SNED1: variants seen among roughly 807,000 people sequenced by gnomAD.
SNED1 encodes sushi, nidogen and EGF like domains 1, also known as sushi, nidogen and EGF-like domain-containing protein 1.
Under a neutral mutation model 166.7 loss-of-function variants are expected in SNED1, and 81 were observed. The ratio of observed to expected loss-of-function variants is 0.49; its 90% CI spans 0.41 to 0.58. The LOEUF (loss-of-function observed/expected upper bound fraction) is 0.58. Among genes scored for constraint, SNED1 ranks in the 20% least tolerant of loss-of-function variants. The probability of loss-of-function intolerance (pLI) is 0.00; values close to 1 mark genes in which losing one functional copy is unlikely to be tolerated. For synonymous variants in SNED1, 762 were observed against 822.0 expected (o/e 0.93, Z 1.25); for missense variants, 1,604 against 2,000.2 (o/e 0.80, Z 3.78).
chr2:241,034,746 A>T lies in SNED1; in HGVS notation c.805+16A>T. The T allele has an allele frequency of 6.5e-7, 1 of 1,533,520 alleles. No individual in the cohort carries two copies. Among genetic ancestry groups the T allele is most frequent in the Middle Eastern group, 1.7e-4 (1 of 5,846 alleles). The allele number at this position is 1,533,520 out of a possible 1,614,324, so 95.0% of individuals were successfully genotyped here. Reference sequence around the variant, plus strand: ...GGCCATACAAGTAAGAGGACAGAGGAGCAGCTTGGGGTGGGAGCGGGCTGA... The same window carrying T: ...GGCCATACAAGTAAGAGGACAGAGGTGCAGCTTGGGGTGGGAGCGGGCTGA... On this transcript the variant is annotated intron_variant, in intron 4 of 31. Transcript: ENST00000310397.
At chr2:241,021,931 T>C (rs1200294269) in intron 1 of SNED1, among the ~76,000 whole-genome samples, 1 of 151,304 alleles carries the variant, frequency 6.6e-6, no homozygotes, top group African/African-American at 2.4e-5. Context: ...CACGGGTTAT[T>C]ATCTACTTTT....
rs1185093356 is a variant in SNED1, at chr2:241,064,196, C to T, written c.2599+71C>T. 5.9e-5 allele frequency: 64 copies of T among 1,076,226 alleles called. No individual in the cohort carries two copies. Among genetic ancestry groups the T allele is most frequent in the Non-Finnish European group, 7.5e-5 (57 of 757,762 alleles). The allele number at this position is 1,076,226 out of a possible 1,614,324, so 66.7% of individuals were successfully genotyped here. The stretch of plus-strand genomic sequence containing the variant: ...CCCCGCCCTCTGCCCGCCTGCTGCC[C>T]GCCCTCTGCCCGCCTGCTCCCCGCC... On this transcript the variant is annotated intron_variant, in intron 19 of 31. Coordinates refer to ENST00000310397, the MANE Select transcript of SNED1 (RefSeq NM_001080437.3). This position sits in a 1 kb window ranked among gnomAD's most constrained non-coding sequence, Gnocchi z 7.0.
chr2:241,042,002 T>C (rs2061533907), intron 8 of SNED1, among the ~76,000 whole-genome samples: 1 of 152,132 alleles, frequency 6.6e-6, no homozygotes, highest in South Asian at 2.1e-4. Context: ...TCAAATGAGG[T>C]GAGCCCTACA....
intron 8 of SNED1, 32 bp from the exon 9 acceptor site, chr2:241,048,283 G>T: frequency 1.3e-6 from 2 of 1,566,510 alleles, no homozygotes; most frequent in South Asian, 2.4e-5. Flanking sequence ...CATTCCCTGC[G>T]TGGCCGCTGG....
Position 241,073,937 on chromosome 2 carries a change from C to T in SNED1, c.3916+573C>T, listed in dbSNP as rs959564876. 2 of 158,168 alleles carry T rather than the reference C, an allele frequency of 1.3e-5. No homozygotes were observed. The highest frequency in any genetic ancestry group is 4.8e-5 in the African/African-American group (2 of 41,656). The allele number at this position is 158,168 out of a possible 1,614,324, so 9.8% of individuals were successfully genotyped here. A position where few individuals can be genotyped will look rare whatever the true frequency, so the allele number is the denominator to read the frequency against. ...CACCTGCAGTAAGAGTTCCCAGACG[C>T]TCACGAGGCAGTTCCCCTTCGGGCA... On this transcript the variant is annotated intron_variant, in intron 27 of 31. Coordinates refer to ENST00000310397, the MANE Select transcript of SNED1 (RefSeq NM_001080437.3). The surrounding 1 kb of genome is among the most constrained non-coding windows in gnomAD (Gnocchi z 6.6).
chr2:241,035,992 C>T (rs1444282318), intron 4 of SNED1, among the ~76,000 whole-genome samples: 5 of 33,910 alleles, frequency 1.5e-4, no homozygotes, highest in East Asian at 1.6e-3. Flanking sequence ...GGGGCGGAGG[C>T]GCGTCACGGG....
Position 240,999,058 on chromosome 2 carries a change from A to AC in SNED1, c.213+13dup. The AC allele has an allele frequency of 3.1e-6, 4 of 1,280,560 alleles. No homozygotes were observed. The highest frequency in any genetic ancestry group is 2.2e-5 in the South Asian group (1 of 45,432). 79.3% of individuals were successfully genotyped at this position (1,280,560 alleles called of 1,614,324 possible). ...GAGCACTCCGGACTCTACGTGAGTAACCCCCGGGCTCGCGGGGCGCCCGGG... is the reference window on the plus strand; with the variant it reads ...GAGCACTCCGGACTCTACGTGAGTAACCCCCCGGGCTCGCGGGGCGCCCGGG... On this transcript the variant is annotated intron_variant, in intron 1 of 31. Coordinates refer to ENST00000310397, the MANE Select transcript of SNED1 (RefSeq NM_001080437.3). This position sits in a 1 kb window ranked among gnomAD's most constrained non-coding sequence, Gnocchi z 5.8.
intron 24 of SNED1, among the ~76,000 whole-genome samples, chr2:241,070,968 C>A (rs1440714534): frequency 6.6e-6 from 1 of 152,200 alleles, no homozygotes; most frequent in Non-Finnish European, 1.5e-5. Context: ...CATAAGCTTG[C>A]CGAGTTCTCA....
intron 16 of SNED1, among the ~76,000 whole-genome samples, chr2:241,058,116 A>G (rs1047578827): frequency 1.3e-5 from 2 of 152,234 alleles, no homozygotes; most frequent in African/African-American, 4.8e-5. Flanking sequence ...AAATAGGTGT[A>G]TACAAATCAA....
chr2:241,048,200 C>T (rs2061717014), intron 8 of SNED1, 115 bp from the exon 9 acceptor site: 1 of 1,261,796 alleles, frequency 7.9e-7, no homozygotes. Context: ...GGCTTAAATT[C>T]CACTTGGGAA....
In SNED1 at chr2:240,999,012, C is replaced by T; in HGVS notation, c.175C>T (p.Pro59Ser). ...CTCGGGGCTGCGGCCGCTCTCGGTG[C>T]CCTTCCCGTTCTTCGGTGCCGAGCA... ...GGSGLRPLSV[P>S]FPFFGAEHSG... The change falls in exon 1 of 32, where the codon CCC becomes TCC. Residue 59 changes from proline to serine, a missense_variant. Physicochemically the swap from Pro to Ser is moderately conservative, Grantham distance 74. Around this residue, in one of 2 missense-constraint regions of SNED1, gnomAD observed 1,237 missense variants for 1,620.8 expected, o/e 0.76. Coordinates refer to ENST00000310397, the MANE Select transcript of SNED1 (RefSeq NM_001080437.3). The surrounding 1 kb of genome is among the most constrained non-coding windows in gnomAD (Gnocchi z 5.8). The T allele has an allele frequency of 7.5e-7, 1 of 1,325,998 alleles. No homozygotes were observed. Among genetic ancestry groups the T allele is most frequent in the Non-Finnish European group, 9.7e-7 (1 of 1,035,112 alleles). 82.1% of individuals were successfully genotyped at this position (1,325,998 alleles called of 1,614,324 possible).
intron 1 of SNED1, among the ~76,000 whole-genome samples, chr2:241,005,555 T>C (rs1478349098): frequency 6.6e-6 from 1 of 152,104 alleles, no homozygotes. Context: ...CTTCCTCTAA[T>C]ATTTCTTATA....
At position 241,070,089 on chromosome 2, in the gene SNED1, C is replaced by T. The variant is rs2062632493; in HGVS notation, c.3477C>T (p.Tyr1159=). The T allele has an allele frequency of 6.2e-7, 1 of 1,612,970 alleles. No individual in the cohort carries two copies. Among genetic ancestry groups the T allele is most frequent in the African/African-American group, 1.3e-5 (1 of 74,960 alleles). The change falls in exon 24 of 32, where the codon TAC becomes TAT. Residue 1159 remains tyrosine (Y), a synonymous_variant. Transcript: ENST00000310397. The stretch of plus-strand genomic sequence containing the variant: ...TCCCCAACGGGAAGCTGGCGTCCTA[C>T]ACGGTGCGCGACCTGCTGCCGGGAC... ...RYVPNGKLAS[Y]TVRDLLPGRR...
chr2:241,036,806 C>T lies in SNED1; in HGVS notation c.822C>T (p.Ala274=). ...GCGHTTSVCL[A]LRPCLNGGKC... is the part of the protein sequence containing the mutation. ...TGTCTGCAGCGTCCGTGTGCCTGGC[C>T]CTGCGCCCCTGCCTCAACGGCGGCA... The change falls in exon 5 of 32, where the codon GCC becomes GCT. Residue 274 remains alanine (A), a synonymous_variant. Coordinates refer to ENST00000310397, the MANE Select transcript of SNED1 (RefSeq NM_001080437.3). The T allele has an allele frequency of 4.3e-6, 7 of 1,609,318 alleles. No individual in the cohort carries two copies. The highest frequency in any genetic ancestry group is 5.9e-6 in the Non-Finnish European group (7 of 1,179,666).
intron 30 of SNED1, 135 bp downstream of exon 30, chr2:241,087,610 T>C (rs1250239735): frequency 2.1e-5 from 31 of 1,445,278 alleles, no homozygotes; most frequent in Non-Finnish European, 2.8e-5. Flanking sequence ...AGGCAGCCCC[T>C]GGGCAGCCAC....
At chr2:241,033,553 G>A in intron 2 of SNED1, 182 bp from the exon 3 acceptor site, 2 of 631,934 alleles carry the variant, frequency 3.2e-6, no homozygotes, top group South Asian at 2.1e-5. Context: ...CAGGCGCTGG[G>A]AGACAGCAGA....
Position 241,065,539 on chromosome 2 carries a change from G to A in SNED1, c.2954G>A (p.Arg985Gln), listed in dbSNP as rs1180495282. 3 of 1,612,878 alleles carry A rather than the reference G, an allele frequency of 1.9e-6. No homozygotes were observed. The highest frequency in any genetic ancestry group is 8.5e-7 in the Non-Finnish European group (1 of 1,179,852). The stretch of plus-strand genomic sequence containing the variant: ...AACATCTCCGTCTTCTCAGTGAAGC[G>A]AAACAGTAACAACAAGAATGACATC... ...AYNISVFSVK[R>Q]NSNNKNDISR... Residue 985 changes from arginine to glutamine, a missense_variant, in exon 21 of 32, where the codon CGA (arginine) becomes CAA (glutamine). By Grantham distance (43) the Arg-to-Gln change is conservative. Around this residue, in one of 2 missense-constraint regions of SNED1, gnomAD observed 1,237 missense variants for 1,620.8 expected, o/e 0.76. Coordinates refer to ENST00000310397, the MANE Select transcript of SNED1 (RefSeq NM_001080437.3).
intron 2 of SNED1, chr2:241,033,530 C>T (rs2061251650): frequency 1.7e-6 from 1 of 572,612 alleles, no homozygotes; most frequent in Non-Finnish European, 3.0e-6. Flanking sequence ...TGCAGACGGC[C>T]TCTGCTGAGT....
chr2:241,025,927 GA>G (rs996278615), intron 1 of SNED1, among the ~76,000 whole-genome samples: 122 of 121,550 alleles, frequency 1.0e-3, no homozygotes, highest in African/African-American at 3.3e-3. Flanking sequence ...AATAGAAAAA[GA>G]AAAAAAAAAT....
Sources: gnomAD v4.1 joint callset for allele counts (sites outside exome capture counted in the v4.1 genomes callset) on GRCh38, gnomAD v4.1.1 for gene constraint, gnomAD v4.1.1 regional missense constraint, Gnocchi (gnomAD v3.1) non-coding constraint, MANE v1.5 for transcripts, NCBI Gene and HGNC (gene_info 2026-07-23, HGNC 2026-07-21) for gene names.